WLS: variants seen among roughly 807,000 people sequenced by gnomAD.
WLS encodes Wnt ligand secretion mediator.
In WLS, 23 loss-of-function variants were observed where a neutral mutation model predicts 62.8. The ratio of observed to expected loss-of-function variants is 0.37; its 90% CI spans 0.26 to 0.52. The LOEUF (loss-of-function observed/expected upper bound fraction) is 0.52. WLS is among the 20% of genes least tolerant of loss of function. The pLI is 0.92. For synonymous variants in WLS, 246 were observed against 244.1 expected (o/e 1.01, Z -0.07); for missense variants, 615 against 697.3 (o/e 0.88, Z 1.33).
At chr1:68,190,098 C>T in intron 2 of WLS, among the ~76,000 whole-genome samples, 1 of 151,708 alleles carries the variant, frequency 6.6e-6, no homozygotes, top group East Asian at 1.9e-4. Context: ...GTTAATTAGG[C>T]ATTATTATCC....
chr1:68,171,523 G>T (rs145053619), intron 2 of WLS, among the ~76,000 whole-genome samples: 1 of 152,002 alleles, frequency 6.6e-6, no homozygotes, highest in East Asian at 1.9e-4. Flanking sequence ...CAGCCACTTC[G>T]CAAAAGAAGA....
At chr1:68,120,552 A>G (rs748274997), downstream of WLS, among the ~76,000 whole-genome samples, 2 of 152,198 alleles carry the variant, frequency 1.3e-5, no homozygotes, top group Non-Finnish European at 2.9e-5. Context: ...GTAATAGGTG[A>G]CCTTGCACAG....
In WLS at chr1:68,126,171, CTAGT is replaced by C. The variant is rs1193782760; in HGVS notation, c.*51_*54del. ...AGCTCTCTCTGGCATGCTCCCCACT[CTAGT>C]TAGAGGGGCTGGGGTATGGAGAGAC... On this transcript the variant is annotated 3_prime_UTR_variant, in exon 12 of 12. Transcript: ENST00000262348. The C allele has an allele frequency of 3.7e-6, 6 of 1,605,028 alleles. No homozygotes were observed. Among genetic ancestry groups the C allele is most frequent in the Non-Finnish European group, 5.1e-6 (6 of 1,175,582 alleles).
chr1:68,129,384 G>T (rs1646484859), intron 11 of WLS, among the ~76,000 whole-genome samples: 1 of 152,280 alleles, frequency 6.6e-6, no homozygotes, highest in East Asian at 1.9e-4. Context: ...TATTTACTTT[G>T]CTTTTGTATC....
intron 2 of WLS, among the ~76,000 whole-genome samples, chr1:68,184,448 A>G (rs764087544): frequency 1.3e-5 from 2 of 152,254 alleles, no homozygotes; most frequent in African/African-American, 2.4e-5. Context: ...TAACAAAACA[A>G]AAACACTCTA....
At chr1:68,162,566 C>A in intron 2 of WLS, 1 of 1,566,926 alleles carries the variant, frequency 6.4e-7, no homozygotes, top group Non-Finnish European at 8.8e-7. Context: ...CGGATGCTGG[C>A]CGATCCCGAG....
At chr1:68,205,569 A>G (rs142862468) in intron 1 of WLS, among the ~76,000 whole-genome samples, 83 of 152,334 alleles carry the variant, frequency 5.4e-4, no homozygotes, top group African/African-American at 1.8e-3. Flanking sequence ...AAATGAATAG[A>G]AAGCAAATGG....
intron 2 of WLS, chr1:68,162,235 T>A (rs778097741): frequency 8.0e-5 from 122 of 1,520,666 alleles, no homozygotes; most frequent in Non-Finnish European, 1.0e-4. Flanking sequence ...CCTGCCCTCC[T>A]TGAGAGCTTG....
intron 1 of WLS, among the ~76,000 whole-genome samples, chr1:68,229,721 A>T (rs1260654230): frequency 6.6e-6 from 1 of 152,034 alleles, no homozygotes; most frequent in Non-Finnish European, 1.5e-5. Flanking sequence ...AGAGCAAAAA[A>T]AAATTACTGT....
intron 11 of WLS, among the ~76,000 whole-genome samples, chr1:68,127,950 C>T (rs550008195): frequency 7.4e-4 from 113 of 152,270 alleles, no homozygotes; most frequent in African/African-American, 2.6e-3. Context: ...ATCGTAGACC[C>T]ATTTCTCTGT....
chr1:68,187,299 A>G (rs907747342), intron 2 of WLS, among the ~76,000 whole-genome samples: 1 of 151,824 alleles, frequency 6.6e-6, no homozygotes, highest in Non-Finnish European at 1.5e-5. Context: ...GTTATTTTAT[A>G]CATTTATCAA....
chr1:68,154,470 A>G (rs1253864551), intron 4 of WLS, among the ~76,000 whole-genome samples: 1 of 152,228 alleles, frequency 6.6e-6, no homozygotes, highest in East Asian at 1.9e-4. Context: ...TATTACATAT[A>G]CCATTAAATA....
At chr1:68,148,910 A>T (rs562264998) in intron 6 of WLS, among the ~76,000 whole-genome samples, 1 of 152,286 alleles carries the variant, frequency 6.6e-6, no homozygotes, top group Admixed American at 6.5e-5. Context: ...TAAGAACAGG[A>T]TGCCATGGGA....
chr1:68,221,386 G>A (rs1649935767), intron 1 of WLS, among the ~76,000 whole-genome samples: 1 of 152,130 alleles, frequency 6.6e-6, no homozygotes, highest in African/African-American at 2.4e-5. Flanking sequence ...GGCCCAATGT[G>A]CAGTCTTTTC....
At chr1:68,115,402 G>T (rs12134024) in intron 11 of WLS, among the ~76,000 whole-genome samples, 71,013 of 152,126 alleles carry the variant, frequency 0.47, 16,884 homozygotes, top group Middle Eastern at 0.54. Context: ...CATTCTTCAC[G>T]AGGCAGTCCC....
In WLS at chr1:68,232,479, G is replaced by A. The variant is rs1169082296; in HGVS notation, c.-180C>T. The A allele has an allele frequency of 5.4e-6, 7 of 1,295,080 alleles. No individual in the cohort carries two copies. The highest frequency in any genetic ancestry group is 2.8e-5 in the East Asian group (1 of 35,118). 80.2% of individuals were successfully genotyped at this position (1,295,080 alleles called of 1,614,324 possible). ...GGAAGGCGCCCGCACGGATTCCCCC[G>A]GCGCAGCCGGCTCGGGTTCCCCCAA... On this transcript the variant is annotated 5_prime_UTR_variant, in exon 1 of 12. Coordinates refer to ENST00000262348, the MANE Select transcript of WLS (RefSeq NM_024911.7).
chr1:68,111,983 G>C (rs555938874), intron 11 of WLS, among the ~76,000 whole-genome samples: 5 of 152,170 alleles, frequency 3.3e-5, no homozygotes, highest in South Asian at 2.1e-4. Flanking sequence ...GTGCTTTATC[G>C]TTCTGTTCAA....
chr1:68,201,421 C>A (rs538268753), intron 1 of WLS, among the ~76,000 whole-genome samples: 174 of 152,324 alleles, frequency 1.1e-3, no homozygotes, highest in Non-Finnish European at 2.2e-3. Flanking sequence ...TTATAGTAGA[C>A]ACTTATGCTT....
chr1:68,146,966 A>ACCT (rs1381816552), intron 8 of WLS, among the ~76,000 whole-genome samples: 1 of 151,440 alleles, frequency 6.6e-6, no homozygotes, highest in Non-Finnish European at 1.5e-5. Context: ...GCTCACCACA[A>ACCT]CCTCCTCCTC....
Sources: gnomAD v4.1 joint callset for allele counts (sites outside exome capture counted in the v4.1 genomes callset) on GRCh38, gnomAD v4.1.1 for gene constraint, MANE v1.5 for transcripts, NCBI Gene and HGNC (gene_info 2026-07-23, HGNC 2026-07-21) for gene names.